Variants in ANXA8 observed in about 807,000 individuals in gnomAD.
The protein encoded by ANXA8 is annexin A8.
In ANXA8, 9 loss-of-function variants were observed where a neutral mutation model predicts 26.8. The observed-to-expected ratio is 0.34, with a 90% CI of 0.20 to 0.59. The LOEUF (loss-of-function observed/expected upper bound fraction) is 0.59. Among genes scored for constraint, ANXA8 ranks in the 20% least tolerant of loss-of-function variants. ANXA8 has a pLI of 0.84. For synonymous variants in ANXA8, 39 were observed against 94.8 expected, an observed-to-expected ratio of 0.41 and a Z score of 3.42; for missense variants, 83 against 238.5, an observed-to-expected ratio of 0.35 and a Z score of 4.29.
chr10:47,625,924 A>G, the ANXA8 span, among the ~76,000 whole-genome samples: 1 of 150,760 alleles, frequency 6.6e-6, no homozygotes, highest in Admixed American at 6.6e-5. Context: ...GTCTGTTTCT[A>G]TGAGTTTTAC....
At chr10:47,636,329 T>C in the ANXA8 span, among the ~76,000 whole-genome samples, 1 of 140,936 alleles carries the variant, frequency 7.1e-6, no homozygotes, top group Non-Finnish European at 1.5e-5. Context: ...TCTCTGCCTT[T>C]ATGAAGGGAA....
the ANXA8 span, among the ~76,000 whole-genome samples, chr10:47,626,181 A>G: frequency 3.3e-5 from 5 of 150,112 alleles, no homozygotes; most frequent in Non-Finnish European, 7.4e-5. Flanking sequence ...TTAATAGCCT[A>G]AGAAATAGGT....
the ANXA8 span, among the ~76,000 whole-genome samples, chr10:47,528,314 C>T: frequency 1.2e-3 from 163 of 139,550 alleles, 18 homozygotes; most frequent in East Asian, 0.033. Context: ...CTCTTGACTT[C>T]GTGATCCGCC....
At chr10:47,710,339 T>C in the ANXA8 span, 3 of 1,100,974 alleles carry the variant, frequency 2.7e-6, 1 homozygote, top group African/African-American at 3.6e-5. Context: ...GTATAGACTT[T>C]GTAGAATTGG....
At chr10:47,644,566 G>T in the ANXA8 span, among the ~76,000 whole-genome samples, 2 of 152,044 alleles carry the variant, frequency 1.3e-5, no homozygotes, top group Non-Finnish European at 2.9e-5. Context: ...GCTAAACACT[G>T]CTTGTTGTAG....
chr10:47,665,735 A>G, the ANXA8 span, among the ~76,000 whole-genome samples: 1 of 151,020 alleles, frequency 6.6e-6, no homozygotes, highest in African/African-American at 2.5e-5. Context: ...TTCCTTTTCC[A>G]TGGCTCTTAG....
the ANXA8 span, among the ~76,000 whole-genome samples, chr10:47,506,818 T>C: frequency 7.1e-6 from 1 of 141,230 alleles, no homozygotes; most frequent in African/African-American, 2.6e-5. Flanking sequence ...TTTTTGTATT[T>C]TTAGTAGAGA....
At chr10:47,558,164 G>T in the ANXA8 span, among the ~76,000 whole-genome samples, 136 of 152,074 alleles carry the variant, frequency 8.9e-4, 1 homozygote, top group Admixed American at 2.7e-3. Flanking sequence ...CAGAATAGAA[G>T]GAATGATTTA....
the ANXA8 span, among the ~76,000 whole-genome samples, chr10:47,735,303 C>G: frequency 6.9e-6 from 1 of 144,964 alleles, no homozygotes; most frequent in East Asian, 2.2e-4. Context: ...CTACATTGCC[C>G]AGGCTGGTCT....
chr10:47,548,449 G>T, the ANXA8 span, among the ~76,000 whole-genome samples: 2 of 151,922 alleles, frequency 1.3e-5, no homozygotes, highest in African/African-American at 4.8e-5. Flanking sequence ...TTACAGGCAT[G>T]CACCACCTCA....
At chr10:47,719,152 A>G in the ANXA8 span, among the ~76,000 whole-genome samples, 1 of 115,654 alleles carries the variant, frequency 8.6e-6, no homozygotes, top group Admixed American at 8.5e-5. Flanking sequence ...TTCACCTCCT[A>G]TTTGGCTTTT....
At chr10:47,483,467 C>G (rs1376512983) in intron 1 of ANXA8, among the ~76,000 whole-genome samples, 3 of 133,916 alleles carry the variant, frequency 2.2e-5, no homozygotes, top group Non-Finnish European at 4.6e-5. Flanking sequence ...CAGCTTCCCT[C>G]GAAGCCAAGC....
chr10:47,559,917 G>T, the ANXA8 span, among the ~76,000 whole-genome samples: 1 of 151,776 alleles, frequency 6.6e-6, no homozygotes, highest in African/African-American at 2.4e-5. Context: ...TGCCTGTGGT[G>T]TGAGAGGTAA....
the ANXA8 span, among the ~76,000 whole-genome samples, chr10:47,607,810 G>A: frequency 9.4e-6 from 1 of 106,950 alleles, no homozygotes; most frequent in East Asian, 2.4e-4. Flanking sequence ...GGAAATATTT[G>A]CAACATTTAC....
the ANXA8 span, among the ~76,000 whole-genome samples, chr10:47,678,813 G>C: frequency 6.7e-6 from 1 of 149,214 alleles, no homozygotes; most frequent in Non-Finnish European, 1.5e-5. Context: ...GGCCGAGGGG[G>C]GTGCAGATCA....
chr10:47,525,966 A>G, the ANXA8 span, among the ~76,000 whole-genome samples: 11,736 of 134,402 alleles, frequency 0.087, 1,721 homozygotes, highest in Non-Finnish European at 0.13. Context: ...CACCATGCCC[A>G]GCTAATTTTG....
chr10:47,673,953 G>A, the ANXA8 span, among the ~76,000 whole-genome samples: 141 of 150,422 alleles, frequency 9.4e-4, 4 homozygotes, highest in African/African-American at 3.3e-3. Context: ...GGTCCTCTTG[G>A]TTTTGGCATT....
chr10:47,579,848 A>G, the ANXA8 span, among the ~76,000 whole-genome samples: 2 of 140,470 alleles, frequency 1.4e-5, no homozygotes, highest in African/African-American at 2.8e-5. Flanking sequence ...TAAGAGAGTC[A>G]AATCACAAGA....
the ANXA8 span, among the ~76,000 whole-genome samples, chr10:47,700,143 AG>A: frequency 6.6e-6 from 1 of 151,978 alleles, no homozygotes; most frequent in African/African-American, 2.4e-5. Context: ...GGCATATAAA[AG>A]TTGATACTAA....
Sources: allele counts gnomAD v4.1 joint callset (sites outside exome capture counted in the v4.1 genomes callset), GRCh38; gene constraint gnomAD v4.1.1; transcripts MANE v1.5; gene names NCBI Gene and HGNC (gene_info 2026-07-23, HGNC 2026-07-21).